Variants in TRIM33 observed in about 807,000 individuals in gnomAD.
TRIM33 encodes the protein tripartite motif containing 33.
Under a neutral mutation model 125.4 loss-of-function variants are expected in TRIM33, and 20 were observed. The observed-to-expected ratio is 0.16, with a 90% CI of 0.11 to 0.23. The LOEUF (loss-of-function observed/expected upper bound fraction) is 0.23, where lower values mean the gene tolerates loss of function less well. Among genes scored for constraint, TRIM33 ranks in the 10% least tolerant of loss-of-function variants. The pLI is 1.00. For missense variants in TRIM33, 920 were observed against 1,411.4 expected, an observed-to-expected ratio of 0.65 and a Z score of 5.58; for synonymous variants, 564 against 513.9, an observed-to-expected ratio of 1.10 and a Z score of -1.32.
intron 4 of TRIM33, among the ~76,000 whole-genome samples, chr1:114,440,648 TTTAAA>T (rs1198682393): frequency 6.6e-5 from 10 of 152,202 alleles, no homozygotes; most frequent in Admixed American, 6.5e-4. Flanking sequence ...ATTTAAAATA[TTTAAA>T]TTATAATGGA....
chr1:114,414,027 G>GCACACACACACACACACA (rs3077592), intron 11 of TRIM33, among the ~76,000 whole-genome samples: 97 of 130,682 alleles, frequency 7.4e-4, no homozygotes, highest in African/African-American at 1.6e-3. Flanking sequence ...TAAATCACAG[G>GCACACACACACACACACA]CACACACACA....
intron 11 of TRIM33, among the ~76,000 whole-genome samples, chr1:114,412,728 C>T (rs1652672553): frequency 6.6e-6 from 1 of 152,072 alleles, no homozygotes; most frequent in South Asian, 2.1e-4. Flanking sequence ...ATTATATGAA[C>T]ACACAATTTG....
chr1:114,416,032 C>T (rs1007185738), intron 11 of TRIM33, among the ~76,000 whole-genome samples: 3 of 151,140 alleles, frequency 2.0e-5, no homozygotes, highest in African/African-American at 7.3e-5. Flanking sequence ...TCCTTGAGGT[C>T]AAGGACCATT....
At chr1:114,464,985 T>C (rs1481673526) in intron 1 of TRIM33, among the ~76,000 whole-genome samples, 3 of 152,184 alleles carry the variant, frequency 2.0e-5, no homozygotes, top group Non-Finnish European at 4.4e-5. Flanking sequence ...CTTTTGACTT[T>C]AGCCCAGTGA....
rs1010431280 is a variant in TRIM33, at chr1:114,394,004, G to A, written c.*3644C>T. 2.7e-5 allele frequency: 6 copies of A among 225,778 alleles called. No homozygotes were observed. Among genetic ancestry groups the A allele is most frequent in the Middle Eastern group, 1.3e-3 (1 of 748 alleles). The allele number at this position is 225,778 out of a possible 1,614,324, so 14.0% of individuals were successfully genotyped here. On this transcript the variant is annotated 3_prime_UTR_variant, in exon 20 of 20. Transcript: ENST00000358465. ...TTATCAAGGAGGAGATTAACTGTGA[G>A]GGAAAAAAAATTAAATATCCAGGTC...
chr1:114,430,661 A>G (rs1647888816), intron 6 of TRIM33, 137 bp downstream of exon 6: 1 of 630,540 alleles, frequency 1.6e-6, no homozygotes, highest in Non-Finnish European at 2.8e-6. Context: ...TTCCAAAAGT[A>G]AATTTTAAAA....
chr1:114,460,269 C>T (rs183455806), intron 4 of TRIM33: 132 of 189,486 alleles, frequency 7.0e-4, no homozygotes, highest in South Asian at 4.0e-3. Flanking sequence ...GGACAAAGAC[C>T]GCAAAAAGAT....
At chr1:114,499,502 T>C (rs887707697) in intron 1 of TRIM33, among the ~76,000 whole-genome samples, 22 of 152,092 alleles carry the variant, frequency 1.4e-4, no homozygotes, top group Admixed American at 3.3e-4. Context: ...CTTTTTTTTT[T>C]CCCCACACCC....
chr1:114,486,947 T>C (rs1651736669), intron 1 of TRIM33, among the ~76,000 whole-genome samples: 1 of 151,532 alleles, frequency 6.6e-6, no homozygotes, highest in African/African-American at 2.4e-5. Flanking sequence ...ATTAGCCAGG[T>C]ATGGTGGCGT....
At chr1:114,441,965 T>C (rs1648681831) in intron 4 of TRIM33, among the ~76,000 whole-genome samples, 1 of 152,232 alleles carries the variant, frequency 6.6e-6, no homozygotes, top group Non-Finnish European at 1.5e-5. Context: ...AATGAGGCTA[T>C]GTTTCAGCAA....
At chr1:114,402,994 A>C in intron 15 of TRIM33, 111 bp from the exon 16 acceptor site, 1 of 1,148,766 alleles carries the variant, frequency 8.7e-7, no homozygotes, top group African/African-American at 1.6e-5. Context: ...TTTTTGAAAA[A>C]AGGGAGGTTT....
At position 114,511,041 on chromosome 1, in the gene TRIM33, G is replaced by C; in HGVS notation, c.36C>G (p.Ser12Arg). The change falls in exon 1 of 20, where the codon AGC becomes AGG. Residue 12 changes from serine to arginine, a missense_variant. Physicochemically the swap from Ser to Arg is moderately radical, Grantham distance 110. This residue lies in a region of TRIM33 where 233 missense variants were observed against 189.6 expected (regional missense o/e 1.23). Coordinates refer to ENST00000358465, the MANE Select transcript of TRIM33 (RefSeq NM_015906.4). Reference sequence around the variant, plus strand: ...GCGCGCTGCCGCTGCCCCCGCCGCCGCTCTCAGCCTCGCCGCCGCCTTTGT... The same window carrying C: ...GCGCGCTGCCGCTGCCCCCGCCGCCCCTCTCAGCCTCGCCGCCGCCTTTGT... ...AENKGGGEAE[S>R]GGGGSGSAPV... is the part of the protein sequence containing the mutation. 7.6e-7 allele frequency: 1 copy of C among 1,313,240 alleles called. No individual in the cohort carries two copies. The highest frequency in any genetic ancestry group is 9.7e-7 in the Non-Finnish European group (1 of 1,029,034). 81.3% of individuals were successfully genotyped at this position (1,313,240 alleles called of 1,614,324 possible). A position where few individuals can be genotyped will look rare whatever the true frequency, so the allele number is the denominator to read the frequency against.
intron 1 of TRIM33, chr1:114,469,224 CA>C: frequency 5.4e-6 from 1 of 184,048 alleles, no homozygotes; most frequent in South Asian, 1.4e-4. Context: ...GTTGCAAGTA[CA>C]AAACCAGTTT....
chr1:114,501,350 A>G (rs1652703236), intron 1 of TRIM33, among the ~76,000 whole-genome samples: 1 of 145,430 alleles, frequency 6.9e-6, no homozygotes, highest in African/African-American at 2.5e-5. Context: ...CGGCTCTTTC[A>G]CATAGCTGGC....
intron 12 of TRIM33, among the ~76,000 whole-genome samples, chr1:114,409,912 G>C (rs1286130665): frequency 6.6e-6 from 1 of 152,068 alleles, no homozygotes; most frequent in Non-Finnish European, 1.5e-5. Flanking sequence ...ACGGAGCCCT[G>C]TTCTCTCCCC....
At chr1:114,470,623 G>T (rs896900715) in intron 1 of TRIM33, among the ~76,000 whole-genome samples, 2 of 145,816 alleles carry the variant, frequency 1.4e-5, no homozygotes, top group Admixed American at 1.4e-4. Context: ...AATCGATTCA[G>T]CATGACTTGG....
intron 1 of TRIM33, among the ~76,000 whole-genome samples, chr1:114,504,427 CA>C (rs1348651189): frequency 6.6e-6 from 1 of 152,210 alleles, no homozygotes; most frequent in Non-Finnish European, 1.5e-5. Flanking sequence ...CTCGGCCTCC[CA>C]AATGGAGTCA....
chr1:114,492,311 A>G (rs1157708301), intron 1 of TRIM33, among the ~76,000 whole-genome samples: 2 of 152,188 alleles, frequency 1.3e-5, no homozygotes, highest in Non-Finnish European at 2.9e-5. Flanking sequence ...AGAAGGAAAA[A>G]CATTTTTAAC....
chr1:114,459,451 A>T (rs1649822078), intron 4 of TRIM33, among the ~76,000 whole-genome samples: 1 of 152,274 alleles, frequency 6.6e-6, no homozygotes, highest in Non-Finnish European at 1.5e-5. Context: ...GCATCTCTTC[A>T]TCCAGTTGTT....
Sources: allele counts gnomAD v4.1 joint callset (sites outside exome capture counted in the v4.1 genomes callset), GRCh38; gene constraint gnomAD v4.1.1; regional missense constraint gnomAD v4.1.1; transcripts MANE v1.5; gene names NCBI Gene and HGNC (gene_info 2026-07-23, HGNC 2026-07-21).